TARS3: variants seen among roughly 807,000 people sequenced by gnomAD.
TARS3 encodes threonine--tRNA ligase 2, cytoplasmic.
TARS3 carries 94 observed loss-of-function variants against 103.5 expected under a neutral mutation model. That is an observed-to-expected ratio of 0.91 (90% CI 0.77 to 1.08). The LOEUF is 1.08. Among genes scored for constraint, TARS3 ranks in the 50% least tolerant of loss-of-function variants. TARS3 has a pLI of 0.00. For missense variants in TARS3, 952 were observed against 995.2 expected (o/e 0.96, Z 0.58); for synonymous variants, 416 against 355.4 (o/e 1.17, Z -1.92).
chr15:101,705,635 A>G (rs1899517013), intron 7 of TARS3, 48 bp downstream of exon 7: 17 of 1,542,186 alleles, frequency 1.1e-5, no homozygotes, highest in Non-Finnish European at 1.5e-5. Flanking sequence ...TACTGCTAAC[A>G]CCTTCAAGTT....
chr15:101,698,425 G>A (rs980184285), intron 10 of TARS3, among the ~76,000 whole-genome samples: 1 of 151,928 alleles, frequency 6.6e-6, no homozygotes, highest in African/African-American at 2.4e-5. Flanking sequence ...ATTTCTTATG[G>A]AAGAGAAAGG....
intron 9 of TARS3, among the ~76,000 whole-genome samples, chr15:101,701,797 A>T (rs1229298685): frequency 6.6e-6 from 1 of 151,668 alleles, no homozygotes; most frequent in Non-Finnish European, 1.5e-5. Flanking sequence ...TTTTTTTGAG[A>T]CTGAGTCTCA....
At chr15:101,672,758 G>C (rs1372430594) in intron 13 of TARS3, among the ~76,000 whole-genome samples, 1 of 152,168 alleles carries the variant, frequency 6.6e-6, no homozygotes, top group Non-Finnish European at 1.5e-5. Flanking sequence ...CTTAGGACCA[G>C]AGAAAGCCAC....
chr15:101,705,355 GC>G (rs753172402), intron 7 of TARS3, among the ~76,000 whole-genome samples: 1 of 152,164 alleles, frequency 6.6e-6, no homozygotes, highest in Non-Finnish European at 1.5e-5. Flanking sequence ...CGAGGAGATG[GC>G]TTGTAATGGC....
intron 15 of TARS3, among the ~76,000 whole-genome samples, chr15:101,663,423 G>A (rs935696244): frequency 6.6e-6 from 1 of 152,202 alleles, no homozygotes; most frequent in African/African-American, 2.4e-5. Context: ...GTGTGTAGTG[G>A]CCTATGCCAT....
At chr15:101,661,084 G>C (rs542757225) in intron 16 of TARS3, among the ~76,000 whole-genome samples, 1 of 38,370 alleles carries the variant, frequency 2.6e-5, no homozygotes, top group Non-Finnish European at 6.9e-5. Flanking sequence ...TCTTCCTTCC[G>C]GGCAAAAAGG....
Position 101,655,979 on chromosome 15 carries a change from T to C in TARS3, c.2260+943A>G, listed in dbSNP as rs1250270256. On this transcript the variant is annotated intron_variant, in intron 18 of 18. Transcript: ENST00000335968. ...CCCATATTGTGAGATGATGCAGGAA[T>C]CTACAGCCATGCTTCTTGCCACACA... 2.3e-6 allele frequency: 3 copies of C among 1,289,198 alleles called. 1 individual carries two copies. Among genetic ancestry groups the C allele is most frequent in the Admixed American group, 4.6e-5 (2 of 43,566 alleles). The allele number at this position is 1,289,198 out of a possible 1,614,324, so 79.9% of individuals were successfully genotyped here. A position where few individuals can be genotyped will look rare whatever the true frequency, so the allele number is the denominator to read the frequency against.
chr15:101,668,388 CA>C (rs2141387789), intron 15 of TARS3, among the ~76,000 whole-genome samples: 1 of 152,228 alleles, frequency 6.6e-6, no homozygotes, highest in East Asian at 1.9e-4. Flanking sequence ...GTGGTCACAA[CA>C]GACGACATTT....
At position 101,711,977 on chromosome 15, in the gene TARS3, T is replaced by G; in HGVS notation, c.715A>C (p.Ile239Leu). 6.2e-7 allele frequency: 1 copy of G among 1,613,766 alleles called. No individual in the cohort carries two copies. The highest frequency in any genetic ancestry group is 1.1e-5 in the South Asian group (1 of 91,034). ...TAAAGCTCCATGGCCTCCCCAAGAA[T>G]GTGAGCACTGGAGTGCCAGTACACC... ...QAVYWHSSAH[I>L]LGEAMELYYG... is the part of the protein sequence containing the mutation. The change falls in exon 5 of 19, where the codon ATT becomes CTT. Residue 239 changes from isoleucine (I) to leucine (L), a missense_variant. Ile to Leu is a conservative substitution (Grantham distance 5). Coordinates refer to ENST00000335968, the MANE Select transcript of TARS3 (RefSeq NM_152334.3).
At chr15:101,700,265 T>A (rs1899194923) in intron 10 of TARS3, among the ~76,000 whole-genome samples, 2 of 152,230 alleles carry the variant, frequency 1.3e-5, no homozygotes, top group Non-Finnish European at 2.9e-5. Context: ...GTCCTTATCA[T>A]GTAAATACTA....
chr15:101,689,445 T>C (rs1898613077), intron 10 of TARS3, among the ~76,000 whole-genome samples: 1 of 152,044 alleles, frequency 6.6e-6, no homozygotes. Flanking sequence ...AGTAGGGTCT[T>C]TATAGAGGTA....
intron 3 of TARS3, among the ~76,000 whole-genome samples, chr15:101,716,919 C>G (rs146809446): frequency 1.4e-5 from 2 of 144,748 alleles, no homozygotes; most frequent in African/African-American, 2.6e-5. Flanking sequence ...TGCAAAGGTG[C>G]AATGTCGGCT....
chr15:101,713,217 A>G (rs1899951245), intron 4 of TARS3, among the ~76,000 whole-genome samples: 1 of 152,168 alleles, frequency 6.6e-6, no homozygotes, highest in Non-Finnish European at 1.5e-5. Context: ...TGTAATATAG[A>G]AAAATGGTGA....
At chr15:101,703,820 A>C in intron 8 of TARS3, 39 bp downstream of exon 8, 1 of 1,279,238 alleles carries the variant, frequency 7.8e-7, no homozygotes, top group Non-Finnish European at 1.1e-6. Flanking sequence ...TAGCTAGTGC[A>C]CCTTAAGTTT....
rs1383936324 is a variant in TARS3 at position 101,700,647 on chromosome 15, T to G, written c.1320+439A>C. Among the ~76,000 whole-genome samples the G allele has an allele frequency of 5.2e-3, 789 of 152,044 alleles. 7 individuals carry two copies. The highest frequency in any genetic ancestry group is 0.024 in the Admixed American group (364 of 15,272). ...AAGGTACAATCTAGTACCTCACTTT[T>G]TTTTTTTTTTTCTTTGAGATGGAGT... On this transcript the variant is annotated intron_variant, in intron 10 of 18. Transcript: ENST00000335968.
At chr15:101,680,326 C>A (rs1275619252) in intron 12 of TARS3, among the ~76,000 whole-genome samples, 1 of 152,184 alleles carries the variant, frequency 6.6e-6, no homozygotes, top group Non-Finnish European at 1.5e-5. Flanking sequence ...TCTAGGCTGC[C>A]CCTTTCCTAG....
chr15:101,715,109 G>A (rs1900077497), intron 3 of TARS3, 146 bp from the exon 4 acceptor site: 1 of 694,388 alleles, frequency 1.4e-6, no homozygotes, highest in Non-Finnish European at 2.1e-6. Context: ...TTCTTGTTTT[G>A]CAATATTTAT....
chr15:101,686,343 T>C (rs1157352580), intron 10 of TARS3, among the ~76,000 whole-genome samples: 1 of 152,198 alleles, frequency 6.6e-6, no homozygotes, highest in Non-Finnish European at 1.5e-5. Flanking sequence ...ATACAATATA[T>C]ATAGAAACTC....
intron 12 of TARS3, among the ~76,000 whole-genome samples, chr15:101,677,040 A>G (rs955955756): frequency 4.6e-5 from 7 of 152,148 alleles, no homozygotes; most frequent in African/African-American, 9.7e-5. Flanking sequence ...GTTCCCACTT[A>G]TAAGTGAGAA....
Sources: gnomAD v4.1 joint callset for allele counts (sites outside exome capture counted in the v4.1 genomes callset) on GRCh38, gnomAD v4.1.1 for gene constraint, MANE v1.5 for transcripts, NCBI Gene and HGNC (gene_info 2026-07-23, HGNC 2026-07-21) for gene names.